The following NRXN3 variants were observed in gnomAD, a reference collection of about 807,000 sequenced individuals.
The protein encoded by NRXN3 is neurexin III.
In NRXN3, 32 loss-of-function variants were observed where a neutral mutation model predicts 137.6. The ratio of observed to expected loss-of-function variants is 0.23; its 90% CI spans 0.18 to 0.31. The LOEUF (loss-of-function observed/expected upper bound fraction) is 0.31, where lower values mean the gene tolerates loss of function less well. NRXN3 is among the 10% of genes least tolerant of loss of function. The pLI is 1.00. For synonymous variants in NRXN3, 798 were observed against 784.5 expected (o/e 1.02, Z -0.29); for missense variants, 1,574 against 2,062.5 (o/e 0.76, Z 4.59).
chr14:78,689,838 C>G (rs950271912), intron 6 of NRXN3, among the ~76,000 whole-genome samples: 2 of 151,726 alleles, frequency 1.3e-5, no homozygotes, highest in African/African-American at 2.4e-5. Context: ...CTCTCTCTCT[C>G]TCTCTCAACC....
intron 17 of NRXN3, among the ~76,000 whole-genome samples, chr14:79,672,389 C>T (rs1462837106): frequency 1.3e-5 from 2 of 151,962 alleles, no homozygotes. Context: ...TTCTTGATTT[C>T]CAACCATAAT....
At chr14:79,635,581 T>C (rs1212545296) in intron 16 of NRXN3, among the ~76,000 whole-genome samples, 1 of 152,192 alleles carries the variant, frequency 6.6e-6, no homozygotes, top group Non-Finnish European at 1.5e-5. Context: ...GTAGAATCCT[T>C]CCTTGCCTCT....
chr14:79,263,939 G>T (rs189065836), intron 15 of NRXN3, among the ~76,000 whole-genome samples: 235 of 152,244 alleles, frequency 1.5e-3, no homozygotes, highest in Admixed American at 3.5e-3. Flanking sequence ...TTTGCCAGAT[G>T]AGCTTTAAGA....
At chr14:79,170,936 C>T (rs148619355) in intron 15 of NRXN3, among the ~76,000 whole-genome samples, 9 of 152,166 alleles carry the variant, frequency 5.9e-5, no homozygotes, top group Non-Finnish European at 7.4e-5. Context: ...AGGACTGTCA[C>T]GTCTCAAAAT....
At chr14:79,174,749 T>C (rs1319420951) in intron 15 of NRXN3, among the ~76,000 whole-genome samples, 1 of 151,954 alleles carries the variant, frequency 6.6e-6, no homozygotes, top group East Asian at 1.9e-4. Flanking sequence ...CAGAATGGAC[T>C]TGATCTGTCT....
intron 16 of NRXN3, chr14:79,572,890 G>C (rs142672111): frequency 2.6e-5 from 4 of 152,286 alleles, no homozygotes; most frequent in African/African-American, 9.6e-5. Context: ...AGAATGAATA[G>C]AAGTTAATCA....
At chr14:78,562,396 CAAAAAAAAAAA>C (rs752464669) in intron 4 of NRXN3, among the ~76,000 whole-genome samples, 1 of 49,470 alleles carries the variant, frequency 2.0e-5, no homozygotes, top group Non-Finnish European at 4.4e-5. Context: ...ACTTATATCT[CAAAAAAAAAAA>C]AAAAAAAAAA....
At chr14:78,189,830 T>A (rs1289485434) in intron 1 of NRXN3, among the ~76,000 whole-genome samples, 1 of 152,154 alleles carries the variant, frequency 6.6e-6, no homozygotes, top group African/African-American at 2.4e-5. Context: ...AGGTGATCCA[T>A]CCTGGCCATT....
chr14:79,514,561 T>C (rs762595475), intron 16 of NRXN3, among the ~76,000 whole-genome samples: 3 of 152,166 alleles, frequency 2.0e-5, no homozygotes, highest in Admixed American at 1.3e-4. Context: ...CCTAAACTTT[T>C]CTTGTGTAGA....
chr14:79,111,566 C>T (rs899377424), intron 15 of NRXN3, among the ~76,000 whole-genome samples: 3 of 151,978 alleles, frequency 2.0e-5, no homozygotes, highest in African/African-American at 7.3e-5. Context: ...TGGTGAAACC[C>T]CATCTCTACT....
chr14:78,699,879 A>G (rs2098262682), intron 6 of NRXN3, among the ~76,000 whole-genome samples: 2 of 152,246 alleles, frequency 1.3e-5, no homozygotes, highest in African/African-American at 2.4e-5. Flanking sequence ...ACTATGTGCC[A>G]CACACTTTGC....
chr14:79,173,664 C>G (rs2062015001), intron 15 of NRXN3, among the ~76,000 whole-genome samples: 2 of 151,498 alleles, frequency 1.3e-5, no homozygotes, highest in Admixed American at 1.3e-4. Context: ...ACCCAAGTAA[C>G]TGTGGCTTGG....
At chr14:78,314,942 T>TCTTCCTTCCTTC (rs1174374621) in intron 4 of NRXN3, among the ~76,000 whole-genome samples, 8 of 60,648 alleles carry the variant, frequency 1.3e-4, no homozygotes, top group South Asian at 6.8e-4. Flanking sequence ...TTTCTTTCTT[T>TCTTCCTTCCTTC]CTTCCTTCCT....
intron 3 of NRXN3, chr14:78,283,173 A>T (rs1193443728): frequency 2.0e-5 from 3 of 152,228 alleles, no homozygotes; most frequent in Non-Finnish European, 4.4e-5. Flanking sequence ...GGGAACGAGA[A>T]TGAACACTTA....
chr14:78,598,220 C>T (rs1391146406), intron 4 of NRXN3, among the ~76,000 whole-genome samples: 2 of 152,124 alleles, frequency 1.3e-5, no homozygotes, highest in Admixed American at 1.3e-4. Context: ...ACTCTGTTGC[C>T]CTCTAGTGGC....
intron 1 of NRXN3, among the ~76,000 whole-genome samples, chr14:78,172,465 A>G (rs921597679): frequency 6.6e-6 from 1 of 152,146 alleles, no homozygotes; most frequent in Admixed American, 6.5e-5. Context: ...CAAGGCTGGT[A>G]TTTATTTTTT....
intron 10 of NRXN3, among the ~76,000 whole-genome samples, chr14:78,948,330 C>T (rs1463434316): frequency 6.6e-6 from 1 of 152,194 alleles, no homozygotes; most frequent in Non-Finnish European, 1.5e-5. Flanking sequence ...TTCCCCTCCC[C>T]ATTCTTTGAT....
rs74067139 is a variant in NRXN3 at position 78,836,145 on chromosome 14, T to C, written c.2275+25801T>C. Among the ~76,000 whole-genome samples, 637 of 152,202 alleles carry C rather than the reference T, an allele frequency of 4.2e-3. 4 individuals carry two copies. Among genetic ancestry groups the C allele is most frequent in the African/African-American group, 0.014 (590 of 41,490 alleles). On this transcript the variant is annotated intron_variant, in intron 10 of 20. Coordinates refer to ENST00000335750, the MANE Select transcript of NRXN3 (RefSeq NM_001330195.2). The stretch of plus-strand genomic sequence containing the variant: ...AAAACCCATAAATATTAAAATCATA[T>C]GCACTAGAAACAGTTAAGATGTTTA...
rs554676096 is a variant in NRXN3, at chr14:79,735,791, T to A, written c.4014+37854T>A. On this transcript the variant is annotated intron_variant, in intron 19 of 20. Transcript: ENST00000335750. ...GGCTGTTTGGAGGAAGTATTTCTACTGCTCTTGAGTTGTTGCTAGTTTTCC... is the reference window on the plus strand; with the variant it reads ...GGCTGTTTGGAGGAAGTATTTCTACAGCTCTTGAGTTGTTGCTAGTTTTCC... Among the ~76,000 whole-genome samples the A allele has an allele frequency of 3.3e-5, 5 of 152,332 alleles. No individual in the cohort carries two copies. In the South Asian group the frequency reaches 1.0e-3, roughly 32 times the overall value.
Sources: allele counts gnomAD v4.1 joint callset (sites outside exome capture counted in the v4.1 genomes callset), GRCh38; gene constraint gnomAD v4.1.1; transcripts MANE v1.5; gene names NCBI Gene and HGNC (gene_info 2026-07-23, HGNC 2026-07-21).